The following TBC1D32 variants were observed in gnomAD, a reference collection of about 807,000 sequenced individuals.
TBC1D32 encodes the protein TBC1 domain family member 32, also known as protein broad-minded.
In TBC1D32, 151 loss-of-function variants were observed where a neutral mutation model predicts 170.3. The ratio of observed to expected loss-of-function variants is 0.89; its 90% CI spans 0.78 to 1.01. The LOEUF is 1.01. Ranked by LOEUF, TBC1D32 falls within the 50% of genes least tolerant of loss-of-function variation. The pLI, the probability that TBC1D32 is intolerant of heterozygous loss-of-function variation, is 0.00. For synonymous variants in TBC1D32, 498 were observed against 488.0 expected (o/e 1.02, Z -0.27); for missense variants, 1,464 against 1,457.1 (o/e 1.00, Z -0.08).
At position 121,187,237 on chromosome 6, in the gene TBC1D32, C is replaced by A. The variant is rs186924065; in HGVS notation, c.2570+17838G>T. Among the ~76,000 whole-genome samples the A allele has an allele frequency of 7.2e-5, 11 of 152,150 alleles. No homozygotes were observed. In the East Asian group the frequency reaches 2.1e-3, roughly 29 times the overall value. The stretch of plus-strand genomic sequence containing the variant: ...ATTCATTATTTTTCAGAAGGCAAAA[C>A]CCTCCAATGTTCTGCTTAAGCAGGA... On this transcript the variant is annotated intron_variant, in intron 22 of 31. Coordinates refer to ENST00000398212, the MANE Select transcript of TBC1D32 (RefSeq NM_152730.6).
chr6:121,158,466 T>C (rs984570495), intron 24 of TBC1D32, among the ~76,000 whole-genome samples: 1 of 152,274 alleles, frequency 6.6e-6, no homozygotes, highest in Middle Eastern at 3.4e-3. Context: ...ATCTCAATGA[T>C]CTTCCTTACC....
intron 17 of TBC1D32, among the ~76,000 whole-genome samples, chr6:121,249,495 G>C (rs750402986): frequency 2.6e-4 from 39 of 151,834 alleles, no homozygotes; most frequent in Non-Finnish European, 5.3e-4. Context: ...GAAATAAAGG[G>C]CATCCAAACT....
chr6:121,145,674 A>G (rs1783338023), intron 24 of TBC1D32, among the ~76,000 whole-genome samples: 1 of 152,210 alleles, frequency 6.6e-6, no homozygotes, highest in South Asian at 2.1e-4. Flanking sequence ...TAGCCATTCC[A>G]CAATGTACAC....
At chr6:121,127,019 C>T (rs558118814) in intron 25 of TBC1D32, among the ~76,000 whole-genome samples, 1 of 152,186 alleles carries the variant, frequency 6.6e-6, no homozygotes, top group Non-Finnish European at 1.5e-5. Context: ...GCATCTAATA[C>T]CCCTGAAATG....
At chr6:121,151,764 A>G (rs1784242207) in intron 24 of TBC1D32, among the ~76,000 whole-genome samples, 1 of 151,928 alleles carries the variant, frequency 6.6e-6, no homozygotes, top group South Asian at 2.1e-4. Flanking sequence ...AATGCCCTTC[A>G]TTGTCTTTTT....
chr6:121,170,378 T>C, intron 22 of TBC1D32: 1 of 1,571,292 alleles, frequency 6.4e-7, no homozygotes, highest in Non-Finnish European at 8.6e-7. Flanking sequence ...AAACTGCTGT[T>C]ACTCTGTTTT....
rs1025096540 is a variant in TBC1D32, at chr6:121,240,897, A to G, written c.2245+568T>C. 4.1e-4 allele frequency among the ~76,000 whole-genome samples: 62 copies of G among 151,764 alleles called. 1 individual carries two copies. The highest frequency in any genetic ancestry group is 1.5e-3 in the African/African-American group (61 of 41,426). ...TCTCACAAAAAAAAAAAAAAAAAAA[A>G]AGACATACTAAATTTCCAATGTTTT... On this transcript the variant is annotated intron_variant, in intron 19 of 31. Coordinates refer to ENST00000398212, the MANE Select transcript of TBC1D32 (RefSeq NM_152730.6).
At chr6:121,169,773 G>C (rs1380439815) in intron 22 of TBC1D32, among the ~76,000 whole-genome samples, 2 of 152,056 alleles carry the variant, frequency 1.3e-5, no homozygotes, top group African/African-American at 4.8e-5. Flanking sequence ...CTAAGATGCA[G>C]ACATACTCTT....
At chr6:121,144,036 A>T (rs2128227844) in intron 24 of TBC1D32, among the ~76,000 whole-genome samples, 1 of 152,328 alleles carries the variant, frequency 6.6e-6, no homozygotes, top group Admixed American at 6.5e-5. Flanking sequence ...GTCTTCCTTA[A>T]CAAAACCACA....
At chr6:121,240,943 G>A (rs376780656) in intron 19 of TBC1D32, among the ~76,000 whole-genome samples, 3 of 151,058 alleles carry the variant, frequency 2.0e-5, no homozygotes, top group African/African-American at 4.9e-5. Flanking sequence ...AAATCAAATG[G>A]ACAGGGAAGA....
At chr6:121,272,930 T>C (rs1193449547) in intron 15 of TBC1D32, among the ~76,000 whole-genome samples, 1 of 152,008 alleles carries the variant, frequency 6.6e-6, no homozygotes, top group Non-Finnish European at 1.5e-5. Flanking sequence ...TACGCAGCCA[T>C]AAAAACGGAT....
At chr6:121,223,519 C>G (rs78182683) in intron 20 of TBC1D32, among the ~76,000 whole-genome samples, 167 bp from the exon 21 acceptor site, 3,668 of 152,226 alleles carry the variant, frequency 0.024, 165 homozygotes, top group East Asian at 0.12. Context: ...AAACAGTTAA[C>G]ATGCACAGCA....
chr6:121,248,906 A>G (rs1797957038), intron 17 of TBC1D32, among the ~76,000 whole-genome samples: 1 of 151,988 alleles, frequency 6.6e-6, no homozygotes, highest in South Asian at 2.1e-4. Context: ...TCCTACTGAA[A>G]CTATTCCAAA....
intron 20 of TBC1D32, among the ~76,000 whole-genome samples, chr6:121,238,221 C>T (rs1168340719): frequency 2.0e-5 from 3 of 152,048 alleles, no homozygotes; most frequent in Non-Finnish European, 4.4e-5. Flanking sequence ...TTTTAGATTT[C>T]TATCAGTGGA....
chr6:121,268,565 G>C (rs62444590), intron 15 of TBC1D32, among the ~76,000 whole-genome samples: 3,213 of 152,116 alleles, frequency 0.021, 50 homozygotes, highest in Middle Eastern at 0.065. Context: ...TTAGAGAAAA[G>C]GACTAAAAAG....
At chr6:121,101,828 T>C (rs1778112693) in intron 30 of TBC1D32, among the ~76,000 whole-genome samples, 2 of 152,066 alleles carry the variant, frequency 1.3e-5, no homozygotes, top group Admixed American at 6.6e-5. Flanking sequence ...TGATTGTATA[T>C]TTAGAAAACC....
At chr6:121,126,999 C>T (rs569333363) in intron 25 of TBC1D32, among the ~76,000 whole-genome samples, 4 of 152,184 alleles carry the variant, frequency 2.6e-5, no homozygotes, top group East Asian at 3.9e-4. Flanking sequence ...TTGATAATGC[C>T]ACTAGGCTTG....
intron 26 of TBC1D32, among the ~76,000 whole-genome samples, chr6:121,119,974 T>C (rs951114800): frequency 6.6e-6 from 1 of 152,150 alleles, no homozygotes; most frequent in Non-Finnish European, 1.5e-5. Flanking sequence ...AAACATTTTA[T>C]ATCAAAACAA....
At chr6:121,257,677 T>C (rs562481216) in intron 15 of TBC1D32, among the ~76,000 whole-genome samples, 9 of 152,292 alleles carry the variant, frequency 5.9e-5, no homozygotes, top group African/African-American at 2.2e-4. Context: ...ACCGATAAAG[T>C]GTATTTTTTG....
Sources: allele counts gnomAD v4.1 joint callset (sites outside exome capture counted in the v4.1 genomes callset), GRCh38; gene constraint gnomAD v4.1.1; transcripts MANE v1.5; gene names NCBI Gene and HGNC (gene_info 2026-07-23, HGNC 2026-07-21).